The following LRRIQ3 variants were observed in gnomAD, a reference collection of about 807,000 sequenced individuals.
LRRIQ3 encodes leucine rich repeats and IQ motif containing 3.
LRRIQ3 carries 75 observed loss-of-function variants against 59.3 expected under a neutral mutation model. That is an observed-to-expected ratio of 1.26 (90% CI 1.05 to 1.53). The LOEUF (loss-of-function observed/expected upper bound fraction) is 1.53, where lower values mean the gene tolerates loss of function less well. Ranked by LOEUF, LRRIQ3 falls within the 40% of genes most tolerant of loss-of-function variation. The pLI is 0.00. For synonymous variants in LRRIQ3, 250 were observed against 231.3 expected (o/e 1.08, Z -0.73); for missense variants, 831 against 710.0 (o/e 1.17, Z -1.94).
At chr1:74,170,832 T>G (rs1008710381) in intron 3 of LRRIQ3, among the ~76,000 whole-genome samples, 1 of 152,144 alleles carries the variant, frequency 6.6e-6, no homozygotes, top group Non-Finnish European at 1.5e-5. Context: ...CTTATTTATG[T>G]CTACTTTAGT....
intron 4 of LRRIQ3, among the ~76,000 whole-genome samples, chr1:74,135,318 T>C (rs1047562297): frequency 6.6e-6 from 1 of 151,934 alleles, no homozygotes; most frequent in Non-Finnish European, 1.5e-5. Context: ...TGGACTTTAA[T>C]GCCACACTCT....
chr1:74,069,218 A>G (rs1447019404), intron 6 of LRRIQ3, among the ~76,000 whole-genome samples: 2 of 152,016 alleles, frequency 1.3e-5, no homozygotes, highest in African/African-American at 4.8e-5. Flanking sequence ...CTGAAATATG[A>G]ATGGTCCTTG....
At chr1:74,048,987 A>T (rs1342858760) in intron 6 of LRRIQ3, among the ~76,000 whole-genome samples, 1 of 152,208 alleles carries the variant, frequency 6.6e-6, no homozygotes, top group African/African-American at 2.4e-5. Flanking sequence ...ATTGGCAGTG[A>T]GAGGGTCTAG....
intron 6 of LRRIQ3, among the ~76,000 whole-genome samples, chr1:74,054,764 A>ATATATATATATC (rs1282233588): frequency 4.1e-5 from 6 of 147,768 alleles, no homozygotes; most frequent in Admixed American, 6.8e-5. Context: ...ATATCTATAT[A>ATATATATATATC]TCTACATACA....
chr1:74,145,092 GTACCTC>G (rs1267323725), intron 4 of LRRIQ3, among the ~76,000 whole-genome samples: 1 of 151,958 alleles, frequency 6.6e-6, no homozygotes, highest in Non-Finnish European at 1.5e-5. Context: ...TCCATTTTGG[GTACCTC>G]TACTAATGTT....
intron 4 of LRRIQ3, among the ~76,000 whole-genome samples, chr1:74,146,761 T>A (rs1429060389): frequency 6.6e-6 from 1 of 152,214 alleles, no homozygotes; most frequent in African/African-American, 2.4e-5. Context: ...ATGAGGTAAA[T>A]TACATAAAAT....
At chr1:74,163,742 A>C (rs1001234901) in intron 3 of LRRIQ3, among the ~76,000 whole-genome samples, 5 of 151,614 alleles carry the variant, frequency 3.3e-5, no homozygotes, top group African/African-American at 1.2e-4. Context: ...TTTTATGTGA[A>C]CATAAGCCTT....
intron 5 of LRRIQ3, among the ~76,000 whole-genome samples, chr1:74,089,412 A>G (rs1646370199): frequency 6.6e-6 from 1 of 152,118 alleles, no homozygotes; most frequent in African/African-American, 2.4e-5. Context: ...AACTCAACGA[A>G]TGAATGGAAA....
chr1:74,159,465 T>C (rs1648536349), intron 3 of LRRIQ3, among the ~76,000 whole-genome samples: 1 of 152,118 alleles, frequency 6.6e-6, no homozygotes, highest in Non-Finnish European at 1.5e-5. Flanking sequence ...CTTAACAATG[T>C]CAATCAATTT....
intron 5 of LRRIQ3, among the ~76,000 whole-genome samples, chr1:74,098,225 T>C (rs963895408): frequency 2.6e-5 from 4 of 151,414 alleles, no homozygotes; most frequent in African/African-American, 7.3e-5. Context: ...ACCAAGCAAA[T>C]AGAAAACAAA....
At chr1:74,032,759 T>C (rs1653756027) in intron 7 of LRRIQ3, among the ~76,000 whole-genome samples, 1 of 152,010 alleles carries the variant, frequency 6.6e-6, no homozygotes, top group African/African-American at 2.4e-5. Context: ...ATATTCATAG[T>C]CCTGGGAATC....
intron 4 of LRRIQ3, among the ~76,000 whole-genome samples, chr1:74,127,157 A>T (rs777761346): frequency 6.6e-6 from 1 of 151,550 alleles, no homozygotes; most frequent in Non-Finnish European, 1.5e-5. Flanking sequence ...CATGTCTGGT[A>T]TAAGTATTCC....
At chr1:74,090,387 T>C (rs1557609894) in intron 5 of LRRIQ3, among the ~76,000 whole-genome samples, 1 of 151,854 alleles carries the variant, frequency 6.6e-6, no homozygotes, top group Non-Finnish European at 1.5e-5. Flanking sequence ...CTTTAAAACT[T>C]AAAAATAAAT....
At chr1:74,087,984 T>C (rs887521248) in intron 5 of LRRIQ3, among the ~76,000 whole-genome samples, 5 of 151,872 alleles carry the variant, frequency 3.3e-5, no homozygotes, top group Non-Finnish European at 7.4e-5. Context: ...TCCCAGCTAC[T>C]TGGGAGGCTG....
chr1:74,026,589 G>A lies in LRRIQ3; in HGVS notation c.*224C>T. 1 of 385,300 alleles carries A rather than the reference G, an allele frequency of 2.6e-6. No individual in the cohort carries two copies. The highest frequency in any genetic ancestry group is 4.6e-6 in the Non-Finnish European group (1 of 217,156). 23.9% of individuals were successfully genotyped at this position (385,300 alleles called of 1,614,324 possible). On this transcript the variant is annotated 3_prime_UTR_variant, in exon 8 of 8. Coordinates refer to ENST00000354431, the MANE Select transcript of LRRIQ3 (RefSeq NM_001105659.2). Reference sequence around the variant, plus strand: ...TTAAATCAGTTTAATTGTTCCTTAGGCATCTGATCTAAGAAATTTTTCAGA... The same window carrying A: ...TTAAATCAGTTTAATTGTTCCTTAGACATCTGATCTAAGAAATTTTTCAGA...
chr1:74,182,101 A>T (rs1415904358), intron 3 of LRRIQ3: 1 of 151,930 alleles, frequency 6.6e-6, no homozygotes, highest in Admixed American at 6.6e-5. Flanking sequence ...CACTTCTTCT[A>T]ACATTTTATA....
At chr1:74,140,862 C>T (rs1647225972) in intron 4 of LRRIQ3, among the ~76,000 whole-genome samples, 2 of 151,834 alleles carry the variant, frequency 1.3e-5, no homozygotes, top group African/African-American at 4.8e-5. Context: ...TAATCCCACT[C>T]TTCTGGCACC....
At chr1:74,100,643 C>T (rs950326269) in intron 5 of LRRIQ3, among the ~76,000 whole-genome samples, 29 of 152,158 alleles carry the variant, frequency 1.9e-4, no homozygotes, top group Non-Finnish European at 3.8e-4. Flanking sequence ...CATCATGCTA[C>T]CTGACTTCAA....
intron 4 of LRRIQ3, among the ~76,000 whole-genome samples, chr1:74,139,071 T>TAC (rs1557635552): frequency 6.6e-6 from 1 of 150,500 alleles, no homozygotes. Context: ...TATATATATA[T>TAC]ACACATATAT....
Sources: gnomAD v4.1 joint callset for allele counts (sites outside exome capture counted in the v4.1 genomes callset) on GRCh38, gnomAD v4.1.1 for gene constraint, MANE v1.5 for transcripts, NCBI Gene and HGNC (gene_info 2026-07-23, HGNC 2026-07-21) for gene names.